Variants in RAP1A observed in about 807,000 individuals in gnomAD.
RAP1A encodes RAP1A, member of RAS oncogene family.
Under a neutral mutation model 26.4 loss-of-function variants are expected in RAP1A, and 6 were observed. The observed-to-expected ratio is 0.23, with a 90% confidence interval of 0.12 to 0.45. The LOEUF (loss-of-function observed/expected upper bound fraction) is 0.45. Among genes scored for constraint, RAP1A ranks in the 20% least tolerant of loss-of-function variants. RAP1A has a pLI of 0.99. For synonymous variants in RAP1A, 73 were observed against 79.4 expected (o/e 0.92, Z 0.43); for missense variants, 121 against 217.2 (o/e 0.56, Z 2.78).
At chr1:111,625,842 A>G (rs1280727602) in intron 1 of RAP1A, among the ~76,000 whole-genome samples, 4 of 150,762 alleles carry the variant, frequency 2.7e-5, no homozygotes, top group Non-Finnish European at 5.9e-5. Context: ...GAGTCTTGCT[A>G]TATCACCCAC....
At chr1:111,660,985 C>G (rs1056263702) in intron 1 of RAP1A, among the ~76,000 whole-genome samples, 3 of 152,214 alleles carry the variant, frequency 2.0e-5, no homozygotes, top group Non-Finnish European at 4.4e-5. Flanking sequence ...GCCATATGGA[C>G]TACGATCTCC....
intron 1 of RAP1A, among the ~76,000 whole-genome samples, chr1:111,688,808 G>GTTTTTTTTTTTTTT (rs753016302): frequency 6.4e-5 from 8 of 124,190 alleles, no homozygotes; most frequent in South Asian, 2.7e-4. Context: ...TTTTGTTTTT[G>GTTTTTTTTTTTTTT]TTTTTTTTTT....
intron 1 of RAP1A, among the ~76,000 whole-genome samples, chr1:111,577,851 C>T (rs555679067): frequency 1.8e-4 from 28 of 152,262 alleles, no homozygotes; most frequent in African/African-American, 6.5e-4. Context: ...GGCTGTGGGC[C>T]TATATCCCTC....
intron 1 of RAP1A, among the ~76,000 whole-genome samples, chr1:111,655,137 A>T (rs934860828): frequency 1.3e-5 from 2 of 152,078 alleles, no homozygotes; most frequent in Admixed American, 6.6e-5. Context: ...CTTTTGCTTT[A>T]ATCCACTGGT....
chr1:111,566,527 C>G (rs1010076354), intron 1 of RAP1A, among the ~76,000 whole-genome samples: 9 of 152,138 alleles, frequency 5.9e-5, no homozygotes, highest in African/African-American at 2.2e-4. Context: ...GGCCATATTT[C>G]CCCCTGACCG....
rs958081553 is a variant in RAP1A at position 111,713,236 on chromosome 1, C to G, written c.*835C>G. On this transcript the variant is annotated 3_prime_UTR_variant, in exon 8 of 8. Transcript: ENST00000369709. ...GTATCTGCAGAACACTGGCTTTAAA[C>G]TATACTAAGTAACTGGTGATTTCTC... 1 of 152,290 alleles carries G rather than the reference C, an allele frequency of 6.6e-6. No individual in the cohort carries two copies. The highest frequency in any genetic ancestry group is 1.5e-5 in the Non-Finnish European group (1 of 67,982). 9.4% of individuals were successfully genotyped at this position (152,290 alleles called of 1,614,324 possible).
chr1:111,657,205 C>G (rs1392913161), intron 1 of RAP1A, among the ~76,000 whole-genome samples: 2 of 152,202 alleles, frequency 1.3e-5, no homozygotes, highest in African/African-American at 4.8e-5. Context: ...TGAGTGCTGA[C>G]ATGACACCAG....
At chr1:111,685,660 T>A (rs891545254) in intron 1 of RAP1A, among the ~76,000 whole-genome samples, 1 of 152,198 alleles carries the variant, frequency 6.6e-6, no homozygotes, top group Non-Finnish European at 1.5e-5. Flanking sequence ...ACAGGAATGC[T>A]TTTACACTGT....
chr1:111,595,237 T>C (rs1175514196), intron 1 of RAP1A, among the ~76,000 whole-genome samples: 2 of 152,026 alleles, frequency 1.3e-5, no homozygotes, highest in Admixed American at 6.5e-5. Flanking sequence ...CTTAGCCATG[T>C]AGCAAATCTT....
chr1:111,625,718 C>T (rs1010780868), intron 1 of RAP1A, among the ~76,000 whole-genome samples: 12 of 152,254 alleles, frequency 7.9e-5, no homozygotes, highest in African/African-American at 2.9e-4. Context: ...CTTTAAATTC[C>T]ATCCTATGCT....
chr1:111,564,423 T>A (rs1248067539), intron 1 of RAP1A, among the ~76,000 whole-genome samples: 1 of 151,778 alleles, frequency 6.6e-6, no homozygotes, highest in Admixed American at 6.6e-5. Flanking sequence ...GGTAGGAGGA[T>A]CACCTAAGCC....
chr1:111,595,113 A>G (rs562925734), intron 1 of RAP1A, among the ~76,000 whole-genome samples: 1 of 152,252 alleles, frequency 6.6e-6, no homozygotes, highest in Admixed American at 6.5e-5. Flanking sequence ...ACAGTTAATC[A>G]GCCCATCTTC....
chr1:111,638,976 A>AACTCTAAAG (rs1324314882), intron 1 of RAP1A, among the ~76,000 whole-genome samples: 1 of 152,176 alleles, frequency 6.6e-6, no homozygotes, highest in Non-Finnish European at 1.5e-5. Context: ...GGCACATCAA[A>AACTCTAAAG]GTTGCATAGT....
intron 1 of RAP1A, among the ~76,000 whole-genome samples, chr1:111,611,795 T>C (rs879588257): frequency 6.6e-6 from 1 of 152,196 alleles, no homozygotes; most frequent in Non-Finnish European, 1.5e-5. Context: ...CCAGATAAAA[T>C]ATAGTTACAC....
chr1:111,714,040 TCA>T lies in RAP1A; in HGVS notation c.*1641_*1642del, dbSNP rs1662462653. 6.6e-6 allele frequency: 1 copy of T among 152,242 alleles called. No homozygotes were observed. The highest frequency in any genetic ancestry group is 1.5e-5 in the Non-Finnish European group (1 of 68,042). 9.4% of individuals were successfully genotyped at this position (152,242 alleles called of 1,614,324 possible). A position where few individuals can be genotyped will look rare whatever the true frequency, so the allele number is the denominator to read the frequency against. On this transcript the variant is annotated 3_prime_UTR_variant, in exon 8 of 8. Coordinates refer to ENST00000369709, the MANE Select transcript of RAP1A (RefSeq NM_002884.4). ...ATTTTCCAGGCATGTGGTCAGCCTG[TCA>T]CTTACTAAACTGAAATTTTAAAATC...
At chr1:111,592,165 C>G (rs963624584) in intron 1 of RAP1A, among the ~76,000 whole-genome samples, 4 of 152,216 alleles carry the variant, frequency 2.6e-5, no homozygotes, top group Admixed American at 6.5e-5. Context: ...ATTCAATACT[C>G]TTTCTAAAGA....
rs1662481613 is a variant in RAP1A, at chr1:111,714,658, A to C, written c.*2257A>C. 2.0e-5 allele frequency: 3 copies of C among 152,268 alleles called. No homozygotes were observed. The highest frequency in any genetic ancestry group is 1.3e-4 in the Admixed American group (2 of 15,288). 9.4% of individuals were successfully genotyped at this position (152,268 alleles called of 1,614,324 possible). On this transcript the variant is annotated 3_prime_UTR_variant, in exon 8 of 8. Transcript: ENST00000369709. ...ATGCAGAGCAGGACCAGCTGAAGTCAGATGTGCAAGGAAATCTGTGGTTGC... is the reference window on the plus strand; with the variant it reads ...ATGCAGAGCAGGACCAGCTGAAGTCCGATGTGCAAGGAAATCTGTGGTTGC...
intron 1 of RAP1A, among the ~76,000 whole-genome samples, chr1:111,583,963 G>A (rs771362782): frequency 1.4e-5 from 2 of 140,736 alleles, no homozygotes; most frequent in South Asian, 2.2e-4. Flanking sequence ...TCACTGCAAC[G>A]TCCGCCTCCC....
intron 1 of RAP1A, among the ~76,000 whole-genome samples, chr1:111,687,702 T>A (rs1288034693): frequency 6.6e-6 from 1 of 152,158 alleles, no homozygotes; most frequent in Non-Finnish European, 1.5e-5. Flanking sequence ...TTGTTACCAT[T>A]TTTGATTTAA....
Sources: allele counts gnomAD v4.1 joint callset (sites outside exome capture counted in the v4.1 genomes callset), GRCh38; gene constraint gnomAD v4.1.1; transcripts MANE v1.5; gene names NCBI Gene and HGNC (gene_info 2026-07-23, HGNC 2026-07-21).